The following EMC3 variants were observed in gnomAD, a reference collection of about 807,000 sequenced individuals.
EMC3 encodes 30 kDa protein.
In EMC3, 13 loss-of-function variants were observed where a neutral mutation model predicts 36.6. That is an observed-to-expected ratio of 0.35 (90% CI 0.23 to 0.56). EMC3 has a LOEUF of 0.56. Among genes scored for constraint, EMC3 ranks in the 20% least tolerant of loss-of-function variants. EMC3 has a pLI of 0.84. For synonymous variants in EMC3, 120 were observed against 111.9 expected, an observed-to-expected ratio of 1.07 and a Z score of -0.46; for missense variants, 220 against 324.5, an observed-to-expected ratio of 0.68 and a Z score of 2.47.
At position 9,964,131 on chromosome 3, in the gene EMC3, T is replaced by C. The variant is rs772709721; in HGVS notation, c.724A>G (p.Met242Val). Residue 242 changes from methionine (M) to valine (V), a missense_variant, in exon 8 of 8, where the codon ATG becomes GTG. Physicochemically the swap from Met to Val is conservative, Grantham distance 21. Transcript: ENST00000245046. The part of the protein sequence containing the change: ...WALDDVEEEL[M>V]AKDLHFEGMF... The stretch of plus-strand genomic sequence containing the variant: ...CCTTCGAAGTGGAGGTCTTTGGCCA[T>C]GAGCTCTTCTTCGACATCATCTAGT... 73 of 1,614,082 alleles carry C rather than the reference T, an allele frequency of 4.5e-5. 1 individual carries two copies. Among genetic ancestry groups the C allele is most frequent in the Non-Finnish European group, 5.8e-5 (68 of 1,180,048 alleles).
intron 1 of EMC3, among the ~76,000 whole-genome samples, chr3:9,983,540 C>T (rs1184734757): frequency 3.3e-5 from 5 of 152,002 alleles, no homozygotes; most frequent in Admixed American, 6.6e-5. Context: ...GGCATGCTGG[C>T]GCATGCCGCT....
upstream of EMC3, chr3:9,986,897 T>A: frequency 7.6e-7 from 1 of 1,318,210 alleles, no homozygotes; most frequent in African/African-American, 1.5e-5. Flanking sequence ...CAGAGCGGCG[T>A]CGGGCCTGGC....
At chr3:10,000,684 T>C in intron 1 of EMC3, 1 of 477,758 alleles carries the variant, frequency 2.1e-6, no homozygotes, top group East Asian at 5.6e-5. Flanking sequence ...AAGCCTGCCC[T>C]TTCTGCCTTC....
upstream of EMC3, among the ~76,000 whole-genome samples, chr3:9,990,880 G>A (rs1345379428): frequency 6.6e-6 from 1 of 151,634 alleles, no homozygotes; most frequent in African/African-American, 2.4e-5. Context: ...CCAGGCTGTA[G>A]TGCAGTGGCA....
chr3:9,999,620 A>C (rs888679900), intron 1 of EMC3, among the ~76,000 whole-genome samples: 3 of 152,090 alleles, frequency 2.0e-5, no homozygotes, highest in African/African-American at 4.8e-5. Flanking sequence ...CATAGTTTTA[A>C]AGTGTGTATT....
In EMC3 at chr3:9,986,492, A is replaced by G; in HGVS notation, c.155+15T>C. 7 of 1,612,858 alleles carry G rather than the reference A, an allele frequency of 4.3e-6. No homozygotes were observed. The highest frequency in any genetic ancestry group is 5.1e-6 in the Non-Finnish European group (6 of 1,179,280). On this transcript the variant is annotated intron_variant, in intron 1 of 7. Coordinates refer to ENST00000245046, the MANE Select transcript of EMC3 (RefSeq NM_001394674.1). The stretch of plus-strand genomic sequence containing the variant: ...ACGGCGGTGTGAGGTAGGCTGGAGA[A>G]GGGAGGGCGCTGACCTGTCAGATAC...
At chr3:9,997,337 TGGGATTACA>T (rs1173704923) in intron 1 of EMC3, among the ~76,000 whole-genome samples, 1 of 152,198 alleles carries the variant, frequency 6.6e-6, no homozygotes, top group Non-Finnish European at 1.5e-5. Flanking sequence ...CCCAAAGTCC[TGGGATTACA>T]GGCGTGTGCC....
At chr3:9,987,631 G>A (rs2085993715), upstream of EMC3, among the ~76,000 whole-genome samples, 2 of 152,136 alleles carry the variant, frequency 1.3e-5, no homozygotes, top group Non-Finnish European at 2.9e-5. Flanking sequence ...TTGAGAAGAG[G>A]AAATGGAGCT....
intron 1 of EMC3, 27 bp from the exon 2 acceptor site, chr3:9,977,473 A>AT: frequency 6.2e-7 from 1 of 1,603,854 alleles, no homozygotes; most frequent in Non-Finnish European, 8.5e-7. Context: ...ACACAATGAG[A>AT]TTTTAAAAAG....
At chr3:9,994,124 C>A (rs1266477835) in intron 1 of EMC3, 7 of 1,513,952 alleles carry the variant, frequency 4.6e-6, no homozygotes, top group African/African-American at 1.4e-5. Context: ...AAAGGATAAG[C>A]AACTCTTAGG....
Position 10,003,370 on chromosome 3 carries a change from G to C in EMC3, c.-242+7653C>G, listed in dbSNP as rs372114985. Reference sequence around the variant, plus strand: ...GCCTGTGTCCACCGCCGAAAAGGAGGAATAAGATGACCCCAACATAGTTGC... The same window carrying C: ...GCCTGTGTCCACCGCCGAAAAGGAGCAATAAGATGACCCCAACATAGTTGC... On this transcript the variant is annotated intron_variant, in intron 1 of 8. Transcript: ENST00000470827. The C allele has an allele frequency of 1.9e-4, 72 of 369,742 alleles. 2 individuals are homozygous for C. The highest frequency in any genetic ancestry group is 1.2e-3 in the South Asian group (59 of 50,192). 22.9% of individuals were successfully genotyped at this position (369,742 alleles called of 1,614,324 possible). A position where few individuals can be genotyped will look rare whatever the true frequency, so the allele number is the denominator to read the frequency against.
At chr3:9,987,305 G>T, upstream of EMC3, 4 of 985,060 alleles carry the variant, frequency 4.1e-6, no homozygotes, top group Non-Finnish European at 4.8e-6. Flanking sequence ...TCGAGGCCCC[G>T]CTCCCCTGCG....
intron 1 of EMC3, among the ~76,000 whole-genome samples, chr3:9,981,098 G>A (rs1046142967): frequency 4.6e-5 from 7 of 152,110 alleles, no homozygotes; most frequent in Admixed American, 6.5e-5. Flanking sequence ...CCAGCTACTC[G>A]GGAGGCTGTG....
chr3:9,968,124 G>A (rs9812587), intron 7 of EMC3, among the ~76,000 whole-genome samples: 3,764 of 152,280 alleles, frequency 0.025, 176 homozygotes, highest in African/African-American at 0.086. Flanking sequence ...GTTTCGCCAC[G>A]TTGGCCAGGA....
intron 1 of EMC3, among the ~76,000 whole-genome samples, chr3:10,001,744 T>A (rs564395729): frequency 6.6e-6 from 1 of 152,184 alleles, no homozygotes; most frequent in Admixed American, 6.5e-5. Flanking sequence ...ACGCCTGTAA[T>A]TCCAGCACTA....
intron 3 of EMC3, among the ~76,000 whole-genome samples, chr3:9,975,370 A>G (rs1333910768): frequency 2.0e-5 from 3 of 152,142 alleles, no homozygotes; most frequent in African/African-American, 7.2e-5. Flanking sequence ...TACATTTAAA[A>G]TTGATAGATA....
intron 1 of EMC3, chr3:10,007,548 G>T: frequency 7.3e-7 from 1 of 1,367,696 alleles, no homozygotes; most frequent in Non-Finnish European, 9.8e-7. Flanking sequence ...TCAGAGGCCT[G>T]ACGTAGGAGT....
At chr3:10,003,501 G>A (rs1260755845) in intron 1 of EMC3, 2 of 332,620 alleles carry the variant, frequency 6.0e-6, no homozygotes, top group African/African-American at 2.2e-5. Flanking sequence ...CATGCAGCAG[G>A]GATCAGCCTC....
intron 1 of EMC3, among the ~76,000 whole-genome samples, chr3:9,999,066 G>A (rs1294167198): frequency 6.6e-6 from 1 of 152,034 alleles, no homozygotes; most frequent in Non-Finnish European, 1.5e-5. Flanking sequence ...CCCTTTGCCC[G>A]TTTTTAAATT....
Sources: allele counts gnomAD v4.1 joint callset (sites outside exome capture counted in the v4.1 genomes callset), GRCh38; gene constraint gnomAD v4.1.1; transcripts MANE v1.5; gene names NCBI Gene and HGNC (gene_info 2026-07-23, HGNC 2026-07-21).